The following USP37 variants were observed in gnomAD, a reference collection of about 807,000 sequenced individuals.
The protein encoded by USP37 is ubiquitin carboxyl-terminal hydrolase 37.
USP37 carries 27 observed loss-of-function variants against 124.0 expected under a neutral mutation model. The observed-to-expected ratio is 0.22, with a 90% CI of 0.16 to 0.30. The LOEUF is 0.30. Ranked by LOEUF, USP37 falls within the 10% of genes least tolerant of loss-of-function variation. USP37 has a pLI of 1.00. For synonymous variants in USP37, 365 were observed against 388.0 expected (o/e 0.94, Z 0.70); for missense variants, 889 against 1,140.4 (o/e 0.78, Z 3.17).
intron 9 of USP37, among the ~76,000 whole-genome samples, chr2:218,532,480 AAAAAG>A (rs923467778): frequency 6.6e-6 from 1 of 151,336 alleles, no homozygotes; most frequent in Non-Finnish European, 1.5e-5. Context: ...AAAAAAAAAA[AAAAAG>A]AAAGAAAGAA....
At chr2:218,552,234 T>C (rs1692706108) in intron 5 of USP37, among the ~76,000 whole-genome samples, 2 of 152,216 alleles carry the variant, frequency 1.3e-5, no homozygotes, top group African/African-American at 4.8e-5. Context: ...CGAATGGAGA[T>C]ACTAATTAAA....
chr2:218,558,147 T>C (rs1009381083), intron 4 of USP37, among the ~76,000 whole-genome samples: 3 of 151,692 alleles, frequency 2.0e-5, no homozygotes, highest in African/African-American at 7.3e-5. Flanking sequence ...TAACACTAAA[T>C]AGTGATGAAT....
At chr2:218,565,636 G>C (rs1232261542) in intron 1 of USP37, among the ~76,000 whole-genome samples, 1 of 152,156 alleles carries the variant, frequency 6.6e-6, no homozygotes, top group African/African-American at 2.4e-5. Flanking sequence ...AAGACATGAT[G>C]GTTCTTACAG....
chr2:218,499,794 G>A (rs116457013), intron 11 of USP37, among the ~76,000 whole-genome samples: 1,864 of 152,098 alleles, frequency 0.012, 38 homozygotes, highest in African/African-American at 0.042. Context: ...TTTTATTTTT[G>A]TTTTTGAGAC....
intron 11 of USP37, among the ~76,000 whole-genome samples, chr2:218,509,037 A>C (rs771096528): frequency 6.6e-6 from 1 of 152,252 alleles, no homozygotes; most frequent in Non-Finnish European, 1.5e-5. Flanking sequence ...CCGACAATTT[A>C]TCCTACAGAA....
At chr2:218,531,917 C>T (rs1691347489) in intron 9 of USP37, among the ~76,000 whole-genome samples, 1 of 152,190 alleles carries the variant, frequency 6.6e-6, no homozygotes, top group Non-Finnish European at 1.5e-5. Flanking sequence ...GAGTTGCTTC[C>T]TACGGATGAG....
intron 1 of USP37, among the ~76,000 whole-genome samples, chr2:218,564,060 G>A (rs942936241): frequency 2.0e-5 from 3 of 152,004 alleles, no homozygotes; most frequent in South Asian, 2.1e-4. Context: ...GAGGGAGCAA[G>A]ACTCCGTCTC....
chr2:218,463,190 A>T, intron 22 of USP37, 116 bp downstream of exon 22: 1 of 177,440 alleles, frequency 5.6e-6, no homozygotes, highest in Non-Finnish European at 1.1e-5. Flanking sequence ...ACACACACAC[A>T]CACACACACA....
intron 1 of USP37, among the ~76,000 whole-genome samples, chr2:218,567,931 A>G (rs1481541673): frequency 6.6e-6 from 1 of 152,124 alleles, no homozygotes; most frequent in Admixed American, 6.5e-5. Flanking sequence ...CCCAGAGAAA[A>G]GGGGCCAGGT....
At chr2:218,516,875 T>C (rs1690320606) in intron 10 of USP37, among the ~76,000 whole-genome samples, 1 of 152,158 alleles carries the variant, frequency 6.6e-6, no homozygotes, top group Non-Finnish European at 1.5e-5. Context: ...TATACATGAA[T>C]TTACATATAT....
intron 10 of USP37, among the ~76,000 whole-genome samples, chr2:218,513,465 C>T (rs1267576018): frequency 1.3e-5 from 2 of 152,120 alleles, no homozygotes; most frequent in Non-Finnish European, 2.9e-5. Flanking sequence ...TATATACACT[C>T]ATGAAATCAT....
intron 14 of USP37, among the ~76,000 whole-genome samples, chr2:218,495,254 A>G (rs2105987959): frequency 6.6e-6 from 1 of 152,168 alleles, no homozygotes; most frequent in East Asian, 1.9e-4. Flanking sequence ...CAATCCTCCC[A>G]CTTCAGCCTT....
intron 20 of USP37, among the ~76,000 whole-genome samples, chr2:218,467,763 C>T (rs991886993): frequency 2.0e-5 from 3 of 151,636 alleles, no homozygotes; most frequent in African/African-American, 4.8e-5. Flanking sequence ...GGATTATAGG[C>T]GTGAGCCACC....
intron 10 of USP37, among the ~76,000 whole-genome samples, chr2:218,512,737 C>T (rs935099104): frequency 1.3e-5 from 2 of 152,196 alleles, no homozygotes; most frequent in Middle Eastern, 3.4e-3. Flanking sequence ...TACTACAAAC[C>T]CCTAAATATT....
intron 8 of USP37, among the ~76,000 whole-genome samples, chr2:218,538,868 T>A (rs1182035315): frequency 2.0e-5 from 3 of 152,206 alleles, no homozygotes; most frequent in Non-Finnish European, 4.4e-5. Context: ...TATGATGGAA[T>A]TCACAGATAG....
chr2:218,545,786 T>C (rs550096962), intron 8 of USP37, among the ~76,000 whole-genome samples: 1 of 152,284 alleles, frequency 6.6e-6, no homozygotes, highest in East Asian at 1.9e-4. Context: ...CTCTGAAAGA[T>C]TAATGCTACT....
Position 218,547,003 on chromosome 2 carries a change from G to T in USP37, c.518C>A (p.Thr173Asn). ...LGNPGRGSIK[T>N]VAGSGIARTI... The stretch of plus-strand genomic sequence containing the variant: ...CCGAGCTATTCCACTTCCTGCTACA[G>T]TCTTAATCGATCCTCTACCCGGATT... Residue 173 changes from threonine (T) to asparagine (N), a missense_variant, in exon 7 of 26, where the codon ACT becomes AAT. Around this residue, in one of 3 missense-constraint regions of USP37, gnomAD observed 374 missense variants for 386.0 expected, o/e 0.97. Coordinates refer to ENST00000258399, the MANE Select transcript of USP37 (RefSeq NM_020935.3). 6.2e-7 allele frequency: 1 copy of T among 1,613,782 alleles called. No individual in the cohort carries two copies. Among genetic ancestry groups the T allele is most frequent in the South Asian group, 1.1e-5 (1 of 90,994 alleles).
intron 24 of USP37, 43 bp downstream of exon 24, chr2:218,457,049 A>G (rs1228339396): frequency 6.3e-7 from 1 of 1,578,618 alleles, no homozygotes; most frequent in Non-Finnish European, 8.7e-7. Flanking sequence ...GCAAATGCTG[A>G]CTAGTTCATT....
intron 5 of USP37, among the ~76,000 whole-genome samples, chr2:218,553,319 T>A (rs1023417030): frequency 6.6e-6 from 1 of 152,224 alleles, no homozygotes; most frequent in Non-Finnish European, 1.5e-5. Flanking sequence ...AATGTTTTCA[T>A]CTGCAACAAT....
Sources: gnomAD v4.1 joint callset for allele counts (sites outside exome capture counted in the v4.1 genomes callset) on GRCh38, gnomAD v4.1.1 for gene constraint, gnomAD v4.1.1 regional missense constraint, MANE v1.5 for transcripts, NCBI Gene and HGNC (gene_info 2026-07-23, HGNC 2026-07-21) for gene names.